RHBDD1: variants seen among roughly 807,000 people sequenced by gnomAD.
RHBDD1 encodes rhomboid-related protein 4.
A neutral mutation model predicts 36.3 loss-of-function variants in RHBDD1; 38 were observed. The ratio of observed to expected loss-of-function variants is 1.05; its 90% CI spans 0.81 to 1.37. The LOEUF (loss-of-function observed/expected upper bound fraction) is 1.37, where lower values mean the gene tolerates loss of function less well. RHBDD1 is among the 40% of genes most tolerant of loss of function. The pLI, the probability that RHBDD1 is intolerant of heterozygous loss-of-function variation, is 0.00. For missense variants in RHBDD1, 393 were observed against 377.6 expected, an observed-to-expected ratio of 1.04 and a Z score of -0.34; for synonymous variants, 151 against 136.5, an observed-to-expected ratio of 1.11 and a Z score of -0.74.
At chr2:226,838,267 T>A (rs192342590) in intron 2 of RHBDD1, 113 bp downstream of exon 2, 24 of 152,352 alleles carry the variant, frequency 1.6e-4, no homozygotes, top group African/African-American at 5.8e-4. Flanking sequence ...ATAAGTCACT[T>A]TGAATGGATT....
At chr2:226,890,850 G>A (rs567194016) in intron 5 of RHBDD1, among the ~76,000 whole-genome samples, 9 of 152,098 alleles carry the variant, frequency 5.9e-5, no homozygotes, top group African/African-American at 2.2e-4. Flanking sequence ...AAAAAACCCA[G>A]CTCAAGCAAA....
chr2:226,808,093 C>G, the RHBDD1 span, among the ~76,000 whole-genome samples: 1 of 151,826 alleles, frequency 6.6e-6, no homozygotes, highest in Admixed American at 6.6e-5. Flanking sequence ...CAGAAGCAGA[C>G]CTCATAAAAG....
intron 5 of RHBDD1, among the ~76,000 whole-genome samples, chr2:226,898,063 C>T (rs1229483974): frequency 2.0e-5 from 3 of 152,174 alleles, no homozygotes; most frequent in South Asian, 2.1e-4. Context: ...CTCATTCACC[C>T]GCAAGGGAGG....
intron 5 of RHBDD1, among the ~76,000 whole-genome samples, chr2:226,889,301 T>G (rs1305092563): frequency 6.6e-6 from 1 of 152,216 alleles, no homozygotes; most frequent in African/African-American, 2.4e-5. Flanking sequence ...TGCTCTGCAT[T>G]ATTTCAGGGT....
chr2:226,893,748 A>T (rs1416342650), intron 5 of RHBDD1, among the ~76,000 whole-genome samples: 4 of 152,192 alleles, frequency 2.6e-5, no homozygotes, highest in Admixed American at 2.6e-4. Flanking sequence ...AATCCTAATG[A>T]TTAGCAGGGG....
chr2:226,822,028 T>G, the RHBDD1 span, among the ~76,000 whole-genome samples: 1 of 152,226 alleles, frequency 6.6e-6, no homozygotes, highest in East Asian at 1.9e-4. Context: ...TAGCTAGTGG[T>G]AGAGCTGAAA....
chr2:226,847,616 T>A (rs1259724652), intron 3 of RHBDD1, among the ~76,000 whole-genome samples: 5 of 152,232 alleles, frequency 3.3e-5, no homozygotes, highest in Admixed American at 6.5e-5. Context: ...TGATGAGATT[T>A]TGCATGAGAA....
chr2:226,859,033 G>C (rs1226553456), intron 3 of RHBDD1, among the ~76,000 whole-genome samples: 1 of 152,184 alleles, frequency 6.6e-6, no homozygotes, highest in African/African-American at 2.4e-5. Context: ...AATATGTATA[G>C]TGCTATGGGA....
chr2:226,836,198 A>G, intron 1 of RHBDD1, 111 bp downstream of exon 1: 1 of 153,136 alleles, frequency 6.5e-6, no homozygotes, highest in Non-Finnish European at 1.5e-5. Flanking sequence ...TGCTGGGCGG[A>G]GGTCGGCGCC....
At chr2:226,911,120 T>A (rs1948484573) in intron 7 of RHBDD1, among the ~76,000 whole-genome samples, 1 of 152,184 alleles carries the variant, frequency 6.6e-6, no homozygotes. Flanking sequence ...TTGCCTCAAA[T>A]CATCGCATGT....
At chr2:226,961,567 A>G (rs1481511852) in intron 8 of RHBDD1, among the ~76,000 whole-genome samples, 2 of 152,176 alleles carry the variant, frequency 1.3e-5, no homozygotes, top group Admixed American at 6.6e-5. Flanking sequence ...ACTTTTCACA[A>G]GAACTCATGA....
chr2:226,850,131 C>G (rs1241743928), intron 3 of RHBDD1, among the ~76,000 whole-genome samples: 1 of 152,174 alleles, frequency 6.6e-6, no homozygotes, highest in Admixed American at 6.5e-5. Context: ...ACCTGTTTTA[C>G]AGATTGGGAA....
intron 8 of RHBDD1, chr2:226,988,776 C>T (rs1430820459): frequency 4.2e-5 from 36 of 854,828 alleles, no homozygotes; most frequent in Admixed American, 6.2e-5. Context: ...TAAGAAGTTA[C>T]AAACTGTTCT....
intron 8 of RHBDD1, among the ~76,000 whole-genome samples, chr2:226,942,241 C>CTTTT (rs11449035): frequency 7.0e-6 from 1 of 142,284 alleles, no homozygotes. Context: ...TCGTGATCAT[C>CTTTT]TTTTTTTTTT....
chr2:226,862,430 A>C (rs756706470), intron 3 of RHBDD1, among the ~76,000 whole-genome samples: 6 of 150,684 alleles, frequency 4.0e-5, no homozygotes, highest in Non-Finnish European at 8.8e-5. Context: ...TTAGGGTATT[A>C]GAGTGAGTTA....
chr2:226,902,622 GT>G (rs2125601737), intron 5 of RHBDD1, among the ~76,000 whole-genome samples: 1 of 152,280 alleles, frequency 6.6e-6, no homozygotes, highest in Admixed American at 6.5e-5. Context: ...TGTGTGTGAT[GT>G]TGAGAGATTC....
Position 226,944,266 on chromosome 2 carries a change from T to C in RHBDD1, c.856+29915T>C, listed in dbSNP as rs534280922. ...TAACCTACTACCAAATTCTACTCTATTGTAGATAGGATTTTTTAAAACGAA... is the reference window on the plus strand; with the variant it reads ...TAACCTACTACCAAATTCTACTCTACTGTAGATAGGATTTTTTAAAACGAA... On this transcript the variant is annotated intron_variant, in intron 8 of 8. Transcript: ENST00000392062. Among the ~76,000 whole-genome samples the C allele has an allele frequency of 2.6e-5, 4 of 152,326 alleles. No individual in the cohort carries two copies. In the East Asian group the frequency reaches 7.7e-4, roughly 29 times the overall value.
chr2:226,961,261 C>T (rs957221362), intron 8 of RHBDD1, among the ~76,000 whole-genome samples: 6 of 152,002 alleles, frequency 3.9e-5, no homozygotes, highest in African/African-American at 1.5e-4. Context: ...TATATTATAC[C>T]CTCCTCGTGG....
At chr2:226,808,457 C>G in the RHBDD1 span, 2 of 152,136 alleles carry the variant, frequency 1.3e-5, no homozygotes, top group African/African-American at 4.8e-5. Flanking sequence ...GCTGGGATGG[C>G]TCAAATGGTT....
Sources: allele counts gnomAD v4.1 joint callset (sites outside exome capture counted in the v4.1 genomes callset), GRCh38; gene constraint gnomAD v4.1.1; transcripts MANE v1.5; gene names NCBI Gene and HGNC (gene_info 2026-07-23, HGNC 2026-07-21).